The following OTUD7A variants were observed in gnomAD, a reference collection of about 807,000 sequenced individuals.
The protein encoded by OTUD7A is OTU deubiquitinase 7A, also known as OTU domain-containing protein 7A.
A neutral mutation model predicts 65.7 loss-of-function variants in OTUD7A; 12 were observed. The observed-to-expected ratio is 0.18, with a 90% CI of 0.12 to 0.30. OTUD7A has a LOEUF of 0.30. Ranked by LOEUF, OTUD7A falls within the 10% of genes least tolerant of loss-of-function variation. The pLI, the probability that OTUD7A is intolerant of heterozygous loss-of-function variation, is 1.00. For missense variants in OTUD7A, 1,148 were observed against 1,304.8 expected (o/e 0.88, Z 1.85); for synonymous variants, 641 against 586.3 (o/e 1.09, Z -1.35).
intron 1 of OTUD7A, among the ~76,000 whole-genome samples, chr15:31,846,702 T>C (rs545201030): frequency 6.6e-6 from 1 of 152,170 alleles, no homozygotes; most frequent in Non-Finnish European, 1.5e-5. Context: ...AACCTCGGTT[T>C]AAGAAGAATA....
intron 1 of OTUD7A, among the ~76,000 whole-genome samples, chr15:31,727,712 G>A (rs1250589986): frequency 1.3e-5 from 2 of 152,150 alleles, no homozygotes; most frequent in Admixed American, 6.5e-5. Context: ...AATACTGTGG[G>A]TGTTTCATTC....
At chr15:31,546,058 A>T (rs1888121292) in intron 5 of OTUD7A, among the ~76,000 whole-genome samples, 1 of 152,242 alleles carries the variant, frequency 6.6e-6, no homozygotes, top group Non-Finnish European at 1.5e-5. Context: ...ATTACAGGTA[A>T]TCTAGAGATG....
chr15:31,861,563 T>C (rs1421085422), intron 1 of OTUD7A, among the ~76,000 whole-genome samples: 1 of 152,194 alleles, frequency 6.6e-6, no homozygotes, highest in Non-Finnish European at 1.5e-5. Context: ...ATGTCCCAAC[T>C]GGTTGCATGC....
At chr15:31,718,100 C>G (rs528587626) in intron 1 of OTUD7A, among the ~76,000 whole-genome samples, 2 of 152,270 alleles carry the variant, frequency 1.3e-5, no homozygotes, top group South Asian at 4.1e-4. Flanking sequence ...GATGCTCTGT[C>G]CCCTGTGAAC....
intron 1 of OTUD7A, among the ~76,000 whole-genome samples, chr15:31,753,700 TATTATA>T (rs1456009771): frequency 0.063 from 1,091 of 17,370 alleles, 55 homozygotes; most frequent in African/African-American, 0.13. Flanking sequence ...TATATATATA[TATTATA>T]TATATATATA....
At position 31,483,717 on chromosome 15, in the gene OTUD7A, C is replaced by T; in HGVS notation, c.2379G>A (p.Pro793=). 2.6e-6 allele frequency: 3 copies of T among 1,136,608 alleles called. No individual in the cohort carries two copies. The highest frequency in any genetic ancestry group is 4.0e-5 in the South Asian group (1 of 24,890). 70.4% of individuals were successfully genotyped at this position (1,136,608 alleles called of 1,614,324 possible). ...ASGARDEACA[P]AVGALRPCAT... ...CGCACGGCCGCAGCGCCCCCACGGC[C>T]GGCGCGCACGCCTCGTCCCGCGCGC... The change falls in exon 13 of 13, where the codon CCG becomes CCA. Residue 793 remains proline, a synonymous_variant. Coordinates refer to ENST00000307050, the MANE Select transcript of OTUD7A (RefSeq NM_001382637.1).
chr15:31,660,853 T>G (rs892685941), intron 1 of OTUD7A, among the ~76,000 whole-genome samples: 9 of 152,212 alleles, frequency 5.9e-5, no homozygotes, highest in Non-Finnish European at 7.3e-5. Context: ...CTCAAACACA[T>G]TGTCTTGTAG....
intron 1 of OTUD7A, among the ~76,000 whole-genome samples, chr15:31,755,305 A>G (rs890267216): frequency 1.3e-5 from 2 of 152,176 alleles, no homozygotes; most frequent in Non-Finnish European, 2.9e-5. Flanking sequence ...ACTTCTTCAT[A>G]TATCTGAGGG....
At chr15:31,744,022 ATTTCT>A (rs1894410850) in intron 1 of OTUD7A, among the ~76,000 whole-genome samples, 1 of 152,198 alleles carries the variant, frequency 6.6e-6, no homozygotes, top group East Asian at 1.9e-4. Flanking sequence ...AATTAGACAA[ATTTCT>A]TTTAAAACAC....
intron 1 of OTUD7A, among the ~76,000 whole-genome samples, chr15:31,742,505 T>C (rs1033203633): frequency 6.6e-6 from 1 of 152,086 alleles, no homozygotes; most frequent in African/African-American, 2.4e-5. Context: ...CTATCTGATA[T>C]ACGGCTCCTT....
chr15:31,555,984 G>A (rs1888481780), intron 5 of OTUD7A: 1 of 152,236 alleles, frequency 6.6e-6, no homozygotes, highest in Non-Finnish European at 1.5e-5. Flanking sequence ...TGGGACCACA[G>A]GCGTGCACCA....
intron 3 of OTUD7A, among the ~76,000 whole-genome samples, chr15:31,644,870 G>T (rs71476545): frequency 0.051 from 7,747 of 152,250 alleles, 396 homozygotes; most frequent in African/African-American, 0.14. Flanking sequence ...CAGCCTGGCT[G>T]GTGAGCACAG....
At chr15:31,769,818 A>C (rs1451535058) in intron 1 of OTUD7A, among the ~76,000 whole-genome samples, 8 of 152,192 alleles carry the variant, frequency 5.3e-5, no homozygotes, top group Admixed American at 5.2e-4. Flanking sequence ...GAGTAAAGGA[A>C]GGGCTCACTA....
At chr15:31,604,468 T>G (rs1221525072) in intron 3 of OTUD7A, among the ~76,000 whole-genome samples, 2 of 152,004 alleles carry the variant, frequency 1.3e-5, no homozygotes, top group African/African-American at 4.8e-5. Context: ...AAGGGAGGGA[T>G]AGCATTAGGA....
intron 1 of OTUD7A, among the ~76,000 whole-genome samples, chr15:31,854,565 T>C (rs950585467): frequency 4.6e-5 from 7 of 152,188 alleles, no homozygotes; most frequent in South Asian, 2.1e-4. Flanking sequence ...CTGGTTCTCA[T>C]CTTTCTGCCT....
chr15:31,648,712 G>A (rs1225964183), intron 3 of OTUD7A, among the ~76,000 whole-genome samples: 10 of 152,086 alleles, frequency 6.6e-5, no homozygotes, highest in Non-Finnish European at 1.0e-4. Context: ...TACAGCCTCC[G>A]TGTATTGATT....
At chr15:31,558,903 T>G (rs1277753983) in intron 5 of OTUD7A, 66 bp downstream of exon 5, 5 of 1,518,404 alleles carry the variant, frequency 3.3e-6, no homozygotes, top group Non-Finnish European at 4.5e-6. Context: ...GCTCATAGAG[T>G]AGGTTAGGCC....
At chr15:31,832,765 A>G (rs1896966106) in intron 1 of OTUD7A, among the ~76,000 whole-genome samples, 1 of 152,210 alleles carries the variant, frequency 6.6e-6, no homozygotes. Flanking sequence ...ATGTTGTAGC[A>G]TATGTCAGAA....
rs368809977 is a variant in OTUD7A at position 31,687,311 on chromosome 15, T to C, written c.-99-30234A>G. On this transcript the variant is annotated intron_variant, in intron 1 of 12. Coordinates refer to ENST00000307050, the MANE Select transcript of OTUD7A (RefSeq NM_001382637.1). ...AATACTTCCTGCCATAGTGGTTTCA[T>C]TCCCTATGCAACCTTTTAACTGCAG... 5.2e-3 allele frequency among the ~76,000 whole-genome samples: 793 copies of C among 152,220 alleles called. 7 individuals carry two copies. Among genetic ancestry groups the C allele is most frequent in the African/African-American group, 0.018 (764 of 41,546 alleles).
Sources: allele counts gnomAD v4.1 joint callset (sites outside exome capture counted in the v4.1 genomes callset), GRCh38; gene constraint gnomAD v4.1.1; transcripts MANE v1.5; gene names NCBI Gene and HGNC (gene_info 2026-07-23, HGNC 2026-07-21).